Variants in GRB10 observed in about 807,000 individuals in gnomAD.
The protein encoded by GRB10 is growth factor receptor bound protein 10.
A neutral mutation model predicts 80.9 loss-of-function variants in GRB10; 20 were observed. The observed-to-expected ratio is 0.25, with a 90% confidence interval of 0.17 to 0.36. The LOEUF is 0.36. GRB10 is among the 10% of genes least tolerant of loss of function. The pLI, the probability that GRB10 is intolerant of heterozygous loss-of-function variation, is 1.00. For missense variants in GRB10, 548 were observed against 747.7 expected (o/e 0.73, Z 3.12); for synonymous variants, 291 against 291.5 (o/e 1.00, Z 0.02).
chr7:50,633,388 A>G (rs2054366416), intron 7 of GRB10, among the ~76,000 whole-genome samples: 2 of 152,352 alleles, frequency 1.3e-5, no homozygotes, highest in South Asian at 4.1e-4. Flanking sequence ...GAACAGTCAC[A>G]TCCTCAAGGT....
At chr7:50,598,424 T>G (rs1486306898) in intron 17 of GRB10, among the ~76,000 whole-genome samples, 1 of 151,952 alleles carries the variant, frequency 6.6e-6, no homozygotes. Flanking sequence ...ACCAGGTAAG[T>G]TCTTAAGAAT....
At chr7:50,720,377 G>C (rs1043559588) in intron 4 of GRB10, among the ~76,000 whole-genome samples, 1 of 152,154 alleles carries the variant, frequency 6.6e-6, no homozygotes, top group Non-Finnish European at 1.5e-5. Context: ...AACTGCTAAA[G>C]TGACAGTATT....
At chr7:50,621,763 C>T (rs1184605591) in intron 8 of GRB10, among the ~76,000 whole-genome samples, 1 of 152,142 alleles carries the variant, frequency 6.6e-6, no homozygotes, top group African/African-American at 2.4e-5. Flanking sequence ...AGATAATATT[C>T]CAAAAATAAT....
chr7:50,726,229 C>A (rs1254640412), intron 4 of GRB10, among the ~76,000 whole-genome samples: 1 of 152,102 alleles, frequency 6.6e-6, no homozygotes, highest in Admixed American at 6.5e-5. Context: ...GAAACCCCAT[C>A]TCTGCTAAAA....
intron 8 of GRB10, among the ~76,000 whole-genome samples, chr7:50,621,738 G>C (rs2051795475): frequency 6.6e-6 from 1 of 152,150 alleles, no homozygotes; most frequent in African/African-American, 2.4e-5. Context: ...AGTTAAATGG[G>C]AACACTACTT....
chr7:50,701,474 C>T (rs1040498248), intron 5 of GRB10, among the ~76,000 whole-genome samples: 2 of 152,026 alleles, frequency 1.3e-5, no homozygotes, highest in African/African-American at 4.8e-5. Context: ...ACCTGTAGTC[C>T]CAGGTACTCG....
Position 50,593,056 on chromosome 7 carries a change from T to TC in GRB10, c.1680dup (p.Asn561GlufsTer6). The TC allele has an allele frequency of 6.2e-7, 1 of 1,614,202 alleles. No individual in the cohort carries two copies. The highest frequency in any genetic ancestry group is 8.5e-7 in the Non-Finnish European group (1 of 1,180,030). On this transcript the variant is annotated frameshift_variant, in exon 19 of 19. Transcript: ENST00000401949. LOFTEE classifies it high-confidence loss of function. ...TGGATCAGGTCAGAGAATTTGGTGT[T>TC]CCCGTCATCTAGGCTGAAGAACGTC...
chr7:50,671,987 C>T (rs1227469252), intron 6 of GRB10, among the ~76,000 whole-genome samples: 4 of 152,220 alleles, frequency 2.6e-5, no homozygotes, highest in Admixed American at 6.5e-5. Context: ...AGCTGAGGGG[C>T]GAGGTCCTTC....
intron 13 of GRB10, among the ~76,000 whole-genome samples, chr7:50,611,547 C>G (rs1466464014): frequency 1.3e-5 from 2 of 152,118 alleles, no homozygotes; most frequent in East Asian, 3.8e-4. Context: ...TACAGGAAGC[C>G]AATCTGTGGA....
intron 13 of GRB10, among the ~76,000 whole-genome samples, chr7:50,612,402 G>A (rs1009352775): frequency 3.3e-5 from 5 of 152,044 alleles, no homozygotes; most frequent in African/African-American, 7.2e-5. Flanking sequence ...CCGGGCGTGC[G>A]ACTGGCATCT....
At chr7:50,669,251 T>C (rs1043279988) in intron 7 of GRB10, among the ~76,000 whole-genome samples, 1 of 152,262 alleles carries the variant, frequency 6.6e-6, no homozygotes, top group Admixed American at 6.5e-5. Flanking sequence ...GGTTCATGGT[T>C]CTGCAGCCTG....
At chr7:50,759,575 T>C (rs1422559436) in intron 2 of GRB10, among the ~76,000 whole-genome samples, 1 of 152,252 alleles carries the variant, frequency 6.6e-6, no homozygotes, top group East Asian at 1.9e-4. Context: ...ATATTGTTTA[T>C]GCTGTATTGT....
chr7:50,622,180 G>A (rs74443971), intron 8 of GRB10, among the ~76,000 whole-genome samples: 2,117 of 152,340 alleles, frequency 0.014, 55 homozygotes, highest in African/African-American at 0.048. Flanking sequence ...TAGCCCTGAC[G>A]TGTGGATAAG....
At chr7:50,733,818 G>A (rs893268451) in intron 3 of GRB10, among the ~76,000 whole-genome samples, 4 of 152,194 alleles carry the variant, frequency 2.6e-5, no homozygotes, top group Non-Finnish European at 5.9e-5. Context: ...AAGGTATTCT[G>A]TAGGTGTGGT....
At chr7:50,739,568 A>C (rs1357371182) in intron 3 of GRB10, among the ~76,000 whole-genome samples, 1 of 152,166 alleles carries the variant, frequency 6.6e-6, no homozygotes, top group Non-Finnish European at 1.5e-5. Flanking sequence ...CATGCTAAGA[A>C]CCCATGCAAT....
At chr7:50,627,078 C>T in intron 7 of GRB10, 100 bp from the exon 8 acceptor site, 1 of 1,225,976 alleles carries the variant, frequency 8.2e-7, no homozygotes, top group Non-Finnish European at 1.2e-6. Flanking sequence ...AATAGTAGTG[C>T]TCCAACACAT....
intron 5 of GRB10, among the ~76,000 whole-genome samples, chr7:50,684,013 T>C (rs550907997): frequency 1.3e-5 from 2 of 152,298 alleles, no homozygotes; most frequent in African/African-American, 4.8e-5. Context: ...CCACCAATCC[T>C]GCAGAACATG....
chr7:50,648,518 G>C (rs934471226), intron 7 of GRB10, among the ~76,000 whole-genome samples: 3 of 152,160 alleles, frequency 2.0e-5, no homozygotes, highest in African/African-American at 4.8e-5. Context: ...GCAGAGCCTC[G>C]ACCCAAGGCG....
intron 5 of GRB10, 67 bp downstream of exon 5, chr7:50,703,754 A>G: frequency 1.8e-6 from 2 of 1,100,292 alleles, no homozygotes; most frequent in East Asian, 2.4e-5. Context: ...ACATTTTAGA[A>G]TATCAGATCT....
Sources: gnomAD v4.1 joint callset for allele counts (sites outside exome capture counted in the v4.1 genomes callset) on GRCh38, gnomAD v4.1.1 for gene constraint, MANE v1.5 for transcripts, NCBI Gene and HGNC (gene_info 2026-07-23, HGNC 2026-07-21) for gene names.